The following FRAS1 variants were observed in gnomAD, a reference collection of about 807,000 sequenced individuals.
FRAS1 encodes Fraser extracellular matrix complex subunit 1.
A neutral mutation model predicts 435.2 loss-of-function variants in FRAS1; 290 were observed. That is an observed-to-expected ratio of 0.67 (90% CI 0.61 to 0.73). The LOEUF (loss-of-function observed/expected upper bound fraction) is 0.73, where lower values mean the gene tolerates loss of function less well. FRAS1 is among the 30% of genes least tolerant of loss of function. The pLI is 0.00. For missense variants in FRAS1, 4,860 were observed against 5,001.5 expected, an observed-to-expected ratio of 0.97 and a Z score of 0.85; for synonymous variants, 1,800 against 1,851.0, an observed-to-expected ratio of 0.97 and a Z score of 0.71.
chr4:78,131,948 C>T (rs959598575), intron 2 of FRAS1, among the ~76,000 whole-genome samples: 3 of 152,192 alleles, frequency 2.0e-5, no homozygotes, highest in Non-Finnish European at 2.9e-5. Context: ...GTACCTGGGA[C>T]CATCTCCATG....
Position 78,452,183 on chromosome 4 carries a change from TC to T in FRAS1, c.6596del (p.Pro2199HisfsTer17). 6.2e-7 allele frequency: 1 copy of T among 1,613,408 alleles called. No individual in the cohort carries two copies. Among genetic ancestry groups the T allele is most frequent in the Non-Finnish European group, 8.5e-7 (1 of 1,179,520 alleles). On this transcript the variant is annotated frameshift_variant, in exon 47 of 74. Coordinates refer to ENST00000512123, the MANE Select transcript of FRAS1 (RefSeq NM_025074.7). LOFTEE classifies it high-confidence loss of function. ...ATTTCTGATATTTTCAGAAGACAAA[TC>T]CCCACCAGTCATCACCACCAATAAA... Reference protein sequence around the residue: ...SFSISILEDKSPPVITTNKGL... With the variant: ...SFSISILEDKXPPVITTNKGL...
chr4:78,094,302 A>C (rs1303203386), intron 2 of FRAS1, among the ~76,000 whole-genome samples: 1 of 152,020 alleles, frequency 6.6e-6, no homozygotes, highest in Non-Finnish European at 1.5e-5. Flanking sequence ...CAAATGATTG[A>C]ATTTAAATAT....
At chr4:78,130,579 C>T (rs1396088799) in intron 2 of FRAS1, among the ~76,000 whole-genome samples, 1 of 152,124 alleles carries the variant, frequency 6.6e-6, no homozygotes, top group Non-Finnish European at 1.5e-5. Flanking sequence ...CTTCAAAAGC[C>T]GGTTCAACTT....
chr4:78,442,591 G>C (rs1384612814), intron 41 of FRAS1, among the ~76,000 whole-genome samples: 1 of 152,206 alleles, frequency 6.6e-6, no homozygotes, highest in East Asian at 1.9e-4. Context: ...TTCTTATTAA[G>C]CCTTCCTAAC....
intron 2 of FRAS1, among the ~76,000 whole-genome samples, chr4:78,145,369 A>C (rs966988859): frequency 7.9e-5 from 12 of 152,356 alleles, no homozygotes; most frequent in Middle Eastern, 3.4e-3. Context: ...ATGTATACAT[A>C]TACAAGCCAA....
chr4:78,364,506 A>C (rs1027151361), intron 22 of FRAS1, among the ~76,000 whole-genome samples: 15 of 152,204 alleles, frequency 9.9e-5, no homozygotes, highest in African/African-American at 3.1e-4. Context: ...TTGACAGTGT[A>C]CAAGGTTTTG....
chr4:78,418,834 A>T, intron 32 of FRAS1, 115 bp from the exon 33 acceptor site: 1 of 602,990 alleles, frequency 1.7e-6, no homozygotes, highest in East Asian at 2.9e-5. Flanking sequence ...AATTTGACTA[A>T]GTGTGACTAA....
chr4:78,287,157 A>T (rs1460399835), intron 14 of FRAS1, among the ~76,000 whole-genome samples: 1 of 152,070 alleles, frequency 6.6e-6, no homozygotes, highest in East Asian at 1.9e-4. Context: ...AGAGAGAGAG[A>T]GTGAGAGAGA....
In FRAS1 at chr4:78,466,199, TC is replaced by T. The variant is rs1719521696; in HGVS notation, c.7030-7del. Reference sequence around the variant, plus strand: ...TTCCCTCCCCTCTGGTATTTTGCCTTCCGGACAGGCCGAGTCTGTCACATTC... The same window carrying T: ...TTCCCTCCCCTCTGGTATTTTGCCTTCGGACAGGCCGAGTCTGTCACATTC... On this transcript the variant is annotated splice_region_variant and splice_polypyrimidine_tract_variant and intron_variant, in intron 49 of 73. Coordinates refer to ENST00000512123, the MANE Select transcript of FRAS1 (RefSeq NM_025074.7). The T allele has an allele frequency of 6.2e-7, 1 of 1,612,732 alleles. No individual in the cohort carries two copies. The highest frequency in any genetic ancestry group is 8.5e-7 in the Non-Finnish European group (1 of 1,179,006).
chr4:78,319,394 G>C, intron 18 of FRAS1: 1 of 457,764 alleles, frequency 2.2e-6, no homozygotes, highest in South Asian at 1.5e-5. Context: ...ATTTAGAAGT[G>C]ATTTCTGCTG....
At chr4:78,308,366 A>T (rs1728879018) in intron 15 of FRAS1, among the ~76,000 whole-genome samples, 157 bp downstream of exon 15, 1 of 152,244 alleles carries the variant, frequency 6.6e-6, no homozygotes, top group Non-Finnish European at 1.5e-5. Context: ...TGCATAACAC[A>T]CTTTCCATCA....
At chr4:78,180,761 G>A (rs1272904464) in intron 2 of FRAS1, 3 of 895,986 alleles carry the variant, frequency 3.3e-6, no homozygotes, top group East Asian at 2.6e-5. Flanking sequence ...TGGTATGAAT[G>A]ACAGTCTTTT....
At chr4:78,195,957 T>G (rs1221507054) in intron 2 of FRAS1, among the ~76,000 whole-genome samples, 1 of 151,944 alleles carries the variant, frequency 6.6e-6, no homozygotes, top group Non-Finnish European at 1.5e-5. Flanking sequence ...CTTTTTTTTT[T>G]TTTTTACTTT....
chr4:78,452,340 A>G lies in FRAS1; in HGVS notation c.6749A>G (p.His2250Arg), dbSNP rs1054195938. 2 of 1,603,818 alleles carry G rather than the reference A, an allele frequency of 1.2e-6. No homozygotes were observed. Among genetic ancestry groups the G allele is most frequent in the South Asian group, 1.1e-5 (1 of 88,310 alleles). ...CAGCCCCAGCTGGGCCACTTGGAAC[A>G]TGCAGCATCACCAGGTAAGTCTATC... is the stretch of plus-strand genomic sequence containing the variant. ...TRQPQLGHLE[H>R]AASPGIQISS... Residue 2250 changes from histidine (H) to arginine (R), a missense_variant, in exon 47 of 74, where the codon CAT becomes CGT. His to Arg is a conservative substitution (Grantham distance 29). Coordinates refer to ENST00000512123, the MANE Select transcript of FRAS1 (RefSeq NM_025074.7).
chr4:78,178,653 A>C (rs1229505606), intron 2 of FRAS1, among the ~76,000 whole-genome samples: 1 of 152,176 alleles, frequency 6.6e-6, no homozygotes, highest in Non-Finnish European at 1.5e-5. Flanking sequence ...AGCATCTCTC[A>C]GGGGTGTAAT....
intron 2 of FRAS1, among the ~76,000 whole-genome samples, chr4:78,231,471 ATAT>A (rs1478283066): frequency 6.6e-6 from 1 of 152,048 alleles, no homozygotes; most frequent in Non-Finnish European, 1.5e-5. Context: ...TATTACAAAA[ATAT>A]TATATCTACA....
intron 3 of FRAS1, among the ~76,000 whole-genome samples, chr4:78,240,686 A>C (rs963395677): frequency 6.6e-6 from 1 of 152,244 alleles, no homozygotes; most frequent in Non-Finnish European, 1.5e-5. Flanking sequence ...AGCTGTCATC[A>C]GCACATAGAT....
At chr4:78,429,871 C>G (rs1342138184) in intron 36 of FRAS1, among the ~76,000 whole-genome samples, 1 of 152,142 alleles carries the variant, frequency 6.6e-6, no homozygotes, top group African/African-American at 2.4e-5. Flanking sequence ...CCCTGCACCT[C>G]ACCTTTGTGA....
intron 2 of FRAS1, among the ~76,000 whole-genome samples, chr4:78,105,949 T>G (rs1742402594): frequency 7.5e-6 from 1 of 133,638 alleles, no homozygotes; most frequent in African/African-American, 2.9e-5. Flanking sequence ...GCGCAAGGGG[T>G]CAGGGAGTTC....
Sources: allele counts gnomAD v4.1 joint callset (sites outside exome capture counted in the v4.1 genomes callset), GRCh38; gene constraint gnomAD v4.1.1; transcripts MANE v1.5; gene names NCBI Gene and HGNC (gene_info 2026-07-23, HGNC 2026-07-21).